UGT2B4: variants seen among roughly 807,000 people sequenced by gnomAD.
UGT2B4 encodes UDP glucuronosyltransferase family 2 member B4, also known as UDP-glucuronosyltransferase 2B4.
UGT2B4 carries 49 observed loss-of-function variants against 49.8 expected under a neutral mutation model. The ratio of observed to expected loss-of-function variants is 0.98; its 90% confidence interval spans 0.78 to 1.25. The LOEUF (loss-of-function observed/expected upper bound fraction) is 1.25, where lower values mean the gene tolerates loss of function less well. UGT2B4 is among the 50% of genes most tolerant of loss of function. UGT2B4 has a pLI of 0.00. For missense variants in UGT2B4, 729 were observed against 627.7 expected (o/e 1.16, Z -1.73); for synonymous variants, 246 against 217.7 (o/e 1.13, Z -1.14).
At chr4:69,489,609 T>C (rs1577884899) in intron 2 of UGT2B4, 39 bp from the exon 3 acceptor site, 1 of 1,584,076 alleles carries the variant, frequency 6.3e-7, no homozygotes, top group East Asian at 2.3e-5. Flanking sequence ...TAATAGATTA[T>C]CAGCACAGCA....
chr4:69,513,634 A>G (rs1728661341), intron 1 of UGT2B4, among the ~76,000 whole-genome samples: 1 of 152,152 alleles, frequency 6.6e-6, no homozygotes, highest in Non-Finnish European at 1.5e-5. Flanking sequence ...TAGTTTAATA[A>G]GAATAGCATT....
At chr4:69,493,366 T>C (rs1000980539) in intron 2 of UGT2B4, among the ~76,000 whole-genome samples, 1 of 152,134 alleles carries the variant, frequency 6.6e-6, no homozygotes, top group African/African-American at 2.4e-5. Context: ...ATAGAAACTG[T>C]GTCCCATACA....
At chr4:69,483,882 G>A (rs540094318) in intron 5 of UGT2B4, among the ~76,000 whole-genome samples, 3 of 151,986 alleles carry the variant, frequency 2.0e-5, no homozygotes, top group South Asian at 2.1e-4. Context: ...AGAACGAGAC[G>A]AAATATTTAT....
intron 1 of UGT2B4, among the ~76,000 whole-genome samples, chr4:69,517,233 T>TC (rs1049286626): frequency 4.0e-5 from 6 of 151,718 alleles, no homozygotes; most frequent in Middle Eastern, 3.4e-3. Flanking sequence ...TGTTTAGCCC[T>TC]CCCCCCCAAG....
chr4:69,502,549 C>A (rs1418158083), intron 1 of UGT2B4, among the ~76,000 whole-genome samples: 1 of 152,088 alleles, frequency 6.6e-6, no homozygotes, highest in Non-Finnish European at 1.5e-5. Flanking sequence ...AGTGGGCCCC[C>A]AGCATACTGC....
intron 1 of UGT2B4, among the ~76,000 whole-genome samples, chr4:69,516,560 GATTTTC>G (rs1241800720): frequency 1.8e-4 from 27 of 152,094 alleles, no homozygotes; most frequent in Non-Finnish European, 3.5e-4. Flanking sequence ...TTGTGGTTTT[GATTTTC>G]ATTTCTGTAA....
intron 1 of UGT2B4, among the ~76,000 whole-genome samples, chr4:69,502,551 G>A (rs960687388): frequency 1.3e-5 from 2 of 152,074 alleles, no homozygotes; most frequent in African/African-American, 4.8e-5. Context: ...TGGGCCCCCA[G>A]CATACTGCAG....
chr4:69,505,741 C>A (rs899989689), intron 1 of UGT2B4, among the ~76,000 whole-genome samples: 1 of 152,116 alleles, frequency 6.6e-6, no homozygotes, highest in South Asian at 2.1e-4. Context: ...GAACTCTCCA[C>A]CCCAAACAGA....
chr4:69,490,702 T>C (rs916511839), intron 2 of UGT2B4, among the ~76,000 whole-genome samples: 1 of 152,170 alleles, frequency 6.6e-6, no homozygotes, highest in Non-Finnish European at 1.5e-5. Flanking sequence ...TGGCTAAGCA[T>C]TTTTTAAAAT....
chr4:69,481,013 C>A (rs961706804), intron 5 of UGT2B4, 103 bp from the exon 6 acceptor site: 5 of 1,257,724 alleles, frequency 4.0e-6, no homozygotes, highest in African/African-American at 1.6e-5. Context: ...TCGAGGCGGG[C>A]GGATCACGAG....
chr4:69,485,415 G>A lies in UGT2B4; in HGVS notation c.1103C>T (p.Thr368Ile). ...TCCACCATGAGTTATAAAAGCTCTG[G>A]TTTTTGGGTGACCTAGGATTGGATG... Reference protein sequence around the residue: ...PQNDLLGHPKTRAFITHGGAN... With the variant: ...PQNDLLGHPKIRAFITHGGAN... Residue 368 changes from threonine (T) to isoleucine (I), a missense_variant, in exon 5 of 6, where the codon ACC (threonine) becomes ATC (isoleucine). Coordinates refer to ENST00000305107, the MANE Select transcript of UGT2B4 (RefSeq NM_021139.3). The A allele has an allele frequency of 9.9e-6, 16 of 1,613,772 alleles. No homozygotes were observed. The highest frequency in any genetic ancestry group is 1.3e-5 in the Non-Finnish European group (15 of 1,179,774).
At chr4:69,484,936 G>A (rs753677455) in intron 5 of UGT2B4, among the ~76,000 whole-genome samples, 4 of 151,746 alleles carry the variant, frequency 2.6e-5, no homozygotes, top group East Asian at 3.9e-4. Flanking sequence ...GATTGATTAC[G>A]TCAAATTTAT....
intron 1 of UGT2B4, among the ~76,000 whole-genome samples, chr4:69,512,209 C>T (rs1410594552): frequency 1.3e-5 from 2 of 151,370 alleles, no homozygotes; most frequent in South Asian, 2.1e-4. Flanking sequence ...TCTTTCTTGG[C>T]TCTTTTATGT....
chr4:69,504,189 C>CCT (rs1728410394), intron 1 of UGT2B4, among the ~76,000 whole-genome samples: 3 of 152,180 alleles, frequency 2.0e-5, no homozygotes, highest in African/African-American at 7.2e-5. Context: ...GACCACATCA[C>CCT]CTCTCCAGCA....
At chr4:69,493,898 T>C in intron 1 of UGT2B4, 57 bp from the exon 2 acceptor site, 1 of 1,542,544 alleles carries the variant, frequency 6.5e-7, no homozygotes, top group Non-Finnish European at 8.7e-7. Context: ...AACTAGGTAA[T>C]TTTCTGAAAG....
intron 3 of UGT2B4, among the ~76,000 whole-genome samples, chr4:69,488,817 C>T (rs186409220): frequency 1.5e-4 from 23 of 152,180 alleles, no homozygotes; most frequent in African/African-American, 5.1e-4. Context: ...TCCAGCAAAG[C>T]AGGCTGCTTT....
At chr4:69,500,790 C>T (rs1728300800), upstream of UGT2B4, among the ~76,000 whole-genome samples, 1 of 152,090 alleles carries the variant, frequency 6.6e-6, no homozygotes. Flanking sequence ...ACATGCTTCT[C>T]CCACAGATCT....
At chr4:69,511,537 T>C (rs2082335) in intron 1 of UGT2B4, among the ~76,000 whole-genome samples, 144,858 of 152,096 alleles carry the variant, frequency 0.95, 69,393 homozygotes, top group East Asian at 1. Flanking sequence ...TAATATGCTG[T>C]GGAATTAAGT....
In UGT2B4 at chr4:69,485,275, A is replaced by T. The variant is rs761192486; in HGVS notation, c.1243T>A (p.Leu415Met). ...GTACTCGACATTGTGTGGAAGTCCAAACTAACAGCTGCTCCCTTGGCCTTC... is the reference window on the plus strand; with the variant it reads ...GTACTCGACATTGTGTGGAAGTCCATACTAACAGCTGCTCCCTTGGCCTTC... ...HMKAKGAAVS[L>M]DFHTMSSTDL... The change falls in exon 5 of 6, where the codon TTG (leucine) becomes ATG (methionine). Residue 415 changes from leucine to methionine, a missense_variant. Leu to Met is a conservative substitution (Grantham distance 15). Transcript: ENST00000305107. 3.7e-6 allele frequency: 6 copies of T among 1,613,864 alleles called. No individual in the cohort carries two copies. Among genetic ancestry groups the T allele is most frequent in the Non-Finnish European group, 3.4e-6 (4 of 1,179,944 alleles).
Sources: allele counts gnomAD v4.1 joint callset (sites outside exome capture counted in the v4.1 genomes callset), GRCh38; gene constraint gnomAD v4.1.1; transcripts MANE v1.5; gene names NCBI Gene and HGNC (gene_info 2026-07-23, HGNC 2026-07-21).